The following SELENOI variants were observed in gnomAD, a reference collection of about 807,000 sequenced individuals.
SELENOI encodes the protein ethanolaminephosphotransferase 1.
In SELENOI, 24 loss-of-function variants were observed where a neutral mutation model predicts 50.7. That is an observed-to-expected ratio of 0.47 (90% CI 0.34 to 0.67). SELENOI has a LOEUF of 0.67. Among genes scored for constraint, SELENOI ranks in the 30% least tolerant of loss-of-function variants. SELENOI has a pLI of 0.01. For synonymous variants in SELENOI, 155 were observed against 170.2 expected (o/e 0.91, Z 0.70); for missense variants, 352 against 461.4 (o/e 0.76, Z 2.17).
intron 9 of SELENOI, among the ~76,000 whole-genome samples, chr2:26,388,376 C>G (rs1414010127): frequency 1.3e-5 from 2 of 152,118 alleles, no homozygotes; most frequent in Admixed American, 6.5e-5. Context: ...AAATAACACG[C>G]TAACTGGAAA....
At position 26,389,237 on chromosome 2, in the gene SELENOI, A is replaced by G; in HGVS notation, c.*134A>G. ...GGTACTTGGACAGCAGGAATGATAC[A>G]TATAATCTGAACTTGGGAAATTTTG... On this transcript the variant is annotated 3_prime_UTR_variant, in exon 10 of 10. Transcript: ENST00000260585. 1 of 677,990 alleles carries G rather than the reference A, an allele frequency of 1.5e-6. No individual in the cohort carries two copies. The highest frequency in any genetic ancestry group is 2.1e-5 in the South Asian group (1 of 47,454). 42.0% of individuals were successfully genotyped at this position (677,990 alleles called of 1,614,324 possible).
chr2:26,357,232 A>G (rs35747039), intron 1 of SELENOI, among the ~76,000 whole-genome samples: 60,042 of 152,016 alleles, frequency 0.39, 13,339 homozygotes, highest in Non-Finnish European at 0.51. Flanking sequence ...ATATAAGTGG[A>G]ATCTATGAAA....
At chr2:26,377,113 C>A (rs371439672) in intron 6 of SELENOI, among the ~76,000 whole-genome samples, 10 of 152,032 alleles carry the variant, frequency 6.6e-5, no homozygotes, top group East Asian at 3.8e-4. Flanking sequence ...TTTTTTCTTC[C>A]CCTCTCTCTT....
At chr2:26,375,009 C>G (rs779540927) in intron 5 of SELENOI, 31 bp from the exon 6 acceptor site, 7 of 1,445,668 alleles carry the variant, frequency 4.8e-6, no homozygotes, top group Non-Finnish European at 6.8e-6. Flanking sequence ...GTTAATGCTT[C>G]TGTATGCTTT....
Position 26,385,067 on chromosome 2 carries a change from A to G in SELENOI, c.840A>G (p.Ser280=), listed in dbSNP as rs952618379. ...FILSTAWILW[S]PSDILELHPR... is the part of the protein sequence containing the mutation. The stretch of plus-strand genomic sequence containing the variant: ...TGTCTACAGCGTGGATCCTTTGGTC[A>G]CCTTCAGATATTTTAGAGCTACATC... The change falls in exon 8 of 10, where the codon TCA becomes TCG. Residue 280 remains serine, a synonymous_variant. Transcript: ENST00000260585. 3 of 1,612,964 alleles carry G rather than the reference A, an allele frequency of 1.9e-6. No homozygotes were observed. In the East Asian group the frequency reaches 6.7e-5, roughly 36 times the overall value.
chr2:26,349,528 A>G (rs944777970), intron 1 of SELENOI, among the ~76,000 whole-genome samples: 12 of 151,370 alleles, frequency 7.9e-5, no homozygotes, highest in African/African-American at 2.9e-4. Flanking sequence ...CTGGTCTCGA[A>G]CTCCTGACCT....
chr2:26,356,199 C>T (rs950543380), intron 1 of SELENOI, among the ~76,000 whole-genome samples: 2 of 152,126 alleles, frequency 1.3e-5, no homozygotes, highest in Admixed American at 1.3e-4. Context: ...CCCTCTGTTG[C>T]CCAGGCTGAA....
chr2:26,372,702 T>C lies in SELENOI; in HGVS notation c.311-665T>C, dbSNP rs563519224. Among the ~76,000 whole-genome samples, 5 of 152,330 alleles carry C rather than the reference T, an allele frequency of 3.3e-5. No homozygotes were observed. In the East Asian group the frequency reaches 9.6e-4, roughly 29 times the overall value. On this transcript the variant is annotated intron_variant, in intron 4 of 9. Coordinates refer to ENST00000260585, the MANE Select transcript of SELENOI (RefSeq NM_033505.4). ...TGATGAATTACTATGGCATGTTCGC[T>C]GGAAGCTTGAGAATTTGTAGCTAGT...
At position 26,349,670 on chromosome 2, in the gene SELENOI, GT is replaced by G. The variant is rs372398913; in HGVS notation, c.57+3400del. On this transcript the variant is annotated intron_variant, in intron 1 of 9. Coordinates refer to ENST00000260585, the MANE Select transcript of SELENOI (RefSeq NM_033505.4). ...TATCTAAGGGTGAAACTGCAAGTTG[GT>G]TTTTTTTTTTTTTTTTTTGTCCTGG... is the stretch of plus-strand genomic sequence containing the variant. Among the ~76,000 whole-genome samples, 69 of 115,160 alleles carry G rather than the reference GT, an allele frequency of 6.0e-4. 1 individual carries two copies. Among genetic ancestry groups the G allele is most frequent in the African/African-American group, 2.1e-3 (62 of 29,908 alleles). 75.5% of individuals were successfully genotyped at this position (115,160 alleles called of 152,430 possible).
intron 6 of SELENOI, among the ~76,000 whole-genome samples, chr2:26,376,544 GTACTAT>G (rs1338227734): frequency 6.6e-6 from 1 of 152,098 alleles, no homozygotes; most frequent in African/African-American, 2.4e-5. Flanking sequence ...AAACCCCTGT[GTACTAT>G]TACCCAGTCT....
intron 4 of SELENOI, among the ~76,000 whole-genome samples, chr2:26,371,453 T>A (rs1231400099): frequency 2.0e-5 from 3 of 149,656 alleles, no homozygotes; most frequent in Non-Finnish European, 4.5e-5. Context: ...ACTTCCCAGA[T>A]GGGGTGGCGG....
intron 1 of SELENOI, among the ~76,000 whole-genome samples, chr2:26,360,488 C>G (rs10210540): frequency 0.012 from 1,840 of 152,288 alleles, 37 homozygotes; most frequent in African/African-American, 0.042. Context: ...AAATACCATT[C>G]CTTAAAGACG....
intron 1 of SELENOI, among the ~76,000 whole-genome samples, chr2:26,351,666 A>G (rs1676961732): frequency 1.3e-5 from 2 of 152,170 alleles, no homozygotes; most frequent in South Asian, 4.1e-4. Context: ...GAGACTGGAG[A>G]GGGAGGTGGG....
At chr2:26,346,424 C>CTG in intron 1 of SELENOI, 135 bp downstream of exon 1, 1 of 1,114,142 alleles carries the variant, frequency 9.0e-7, no homozygotes, top group South Asian at 1.7e-5. Context: ...TCCGGAGGTC[C>CTG]TGCGGGTCCT....
At chr2:26,363,010 A>G (rs1056667621) in intron 1 of SELENOI, among the ~76,000 whole-genome samples, 1 of 152,108 alleles carries the variant, frequency 6.6e-6, no homozygotes, top group African/African-American at 2.4e-5. Flanking sequence ...ATGTTTATGT[A>G]TGTCTTTTAA....
At chr2:26,388,958 C>A in intron 9 of SELENOI, 47 bp from the exon 10 acceptor site, 1 of 1,400,318 alleles carries the variant, frequency 7.1e-7, no homozygotes. Context: ...TTTTAAAAAA[C>A]AATAAGGTAC....
chr2:26,373,747 A>T lies in SELENOI; in HGVS notation c.573+118A>T, dbSNP rs183337284. 34 of 1,050,368 alleles carry T rather than the reference A, an allele frequency of 3.2e-5. No homozygotes were observed. In the Admixed American group the frequency reaches 3.3e-4, roughly 10 times the overall value. 65.1% of individuals were successfully genotyped at this position (1,050,368 alleles called of 1,614,324 possible). ...GATTAGAATTGATATGTACTTAAAA[A>T]TTTTTTATTTTTATTTATGGAAAAT... On this transcript the variant is annotated intron_variant, in intron 5 of 9. Coordinates refer to ENST00000260585, the MANE Select transcript of SELENOI (RefSeq NM_033505.4).
chr2:26,394,354 C>G lies in SELENOI; in HGVS notation c.*5251C>G, dbSNP rs2147967890. 6.6e-6 allele frequency: 1 copy of G among 152,344 alleles called. No homozygotes were observed. The highest frequency in any genetic ancestry group is 1.9e-4 in the East Asian group (1 of 5,192). The allele number at this position is 152,344 out of a possible 1,614,324, so 9.4% of individuals were successfully genotyped here. A position where few individuals can be genotyped will look rare whatever the true frequency, so the allele number is the denominator to read the frequency against. On this transcript the variant is annotated 3_prime_UTR_variant, in exon 10 of 10. Coordinates refer to ENST00000260585, the MANE Select transcript of SELENOI (RefSeq NM_033505.4). This position sits in a 1 kb window ranked among gnomAD's most constrained non-coding sequence, Gnocchi z 4.1. ...ATTGCAGTGAGCAGAGATTGTGCCA[C>G]TGCACTCCAGCCAGAGTGACAGAGC...
intron 6 of SELENOI, among the ~76,000 whole-genome samples, chr2:26,381,464 G>A (rs1045041608): frequency 1.8e-4 from 27 of 152,076 alleles, no homozygotes; most frequent in African/African-American, 1.9e-4. Context: ...TTGGCAGCCT[G>A]TATAGAGCTC....
Sources: allele counts gnomAD v4.1 joint callset (sites outside exome capture counted in the v4.1 genomes callset), GRCh38; gene constraint gnomAD v4.1.1; non-coding constraint Gnocchi (gnomAD v3.1); transcripts MANE v1.5; gene names NCBI Gene and HGNC (gene_info 2026-07-23, HGNC 2026-07-21).